BCAR3: variants seen among roughly 807,000 people sequenced by gnomAD.
BCAR3 encodes the protein BCAR3 adaptor protein, NSP family member, also known as breast cancer anti-estrogen resistance protein 3.
A neutral mutation model predicts 80.1 loss-of-function variants in BCAR3; 37 were observed. The observed-to-expected ratio is 0.46, with a 90% CI of 0.36 to 0.61. The LOEUF (loss-of-function observed/expected upper bound fraction) is 0.61, where lower values mean the gene tolerates loss of function less well. Ranked by LOEUF, BCAR3 falls within the 20% of genes least tolerant of loss-of-function variation. The pLI is 0.00. For missense variants in BCAR3, 978 were observed against 1,068.2 expected (o/e 0.92, Z 1.18); for synonymous variants, 389 against 418.9 (o/e 0.93, Z 0.87).
At chr1:93,737,502 G>A (rs1454940751) in intron 2 of BCAR3, among the ~76,000 whole-genome samples, 1 of 152,158 alleles carries the variant, frequency 6.6e-6, no homozygotes, top group Non-Finnish European at 1.5e-5. Context: ...TGTCGGGGAT[G>A]TTGGCAATCA....
intron 2 of BCAR3, among the ~76,000 whole-genome samples, chr1:93,750,352 G>C (rs1161454585): frequency 6.6e-6 from 1 of 152,186 alleles, no homozygotes; most frequent in Admixed American, 6.5e-5. Context: ...TCTGCAAAAT[G>C]GGATTTTGCT....
chr1:93,628,250 A>T (rs184728271), intron 3 of BCAR3, among the ~76,000 whole-genome samples: 1 of 151,844 alleles, frequency 6.6e-6, no homozygotes, highest in Non-Finnish European at 1.5e-5. Context: ...CATTCCTAGA[A>T]CCCCCTTATT....
chr1:93,673,118 C>T (rs1648296276), intron 2 of BCAR3, among the ~76,000 whole-genome samples: 1 of 152,186 alleles, frequency 6.6e-6, no homozygotes, highest in South Asian at 2.1e-4. Context: ...CCTGTTCATC[C>T]TACCAAAAAC....
Position 93,562,363 on chromosome 1 carries a change from A to ATCGCAT in BCAR3, c.2350_2355dup (p.Met784_Arg785dup). 1 of 1,614,110 alleles carries ATCGCAT rather than the reference A, an allele frequency of 6.2e-7. No individual in the cohort carries two copies. The highest frequency in any genetic ancestry group is 1.1e-5 in the South Asian group (1 of 91,062). ...TGTGCACCTTTGCTGCCCCATAGCA[A>ATCGCAT]TCGCATTTGAAATTCAGTCTTGCAG... On this transcript the variant is annotated inframe_insertion, in exon 12 of 12. Transcript: ENST00000260502.
chr1:93,738,941 G>A (rs1651087015), intron 2 of BCAR3, among the ~76,000 whole-genome samples: 1 of 152,102 alleles, frequency 6.6e-6, no homozygotes. Context: ...AGAGCAGAGG[G>A]GCAAAGCCTT....
intron 2 of BCAR3, among the ~76,000 whole-genome samples, chr1:93,644,868 T>C (rs1193089477): frequency 6.6e-6 from 1 of 152,190 alleles, no homozygotes; most frequent in Admixed American, 6.5e-5. Context: ...CTTAATTTAT[T>C]CTTGAGCTGA....
intron 3 of BCAR3, among the ~76,000 whole-genome samples, chr1:93,617,176 C>T (rs547405739): frequency 1.3e-5 from 2 of 152,300 alleles, no homozygotes; most frequent in South Asian, 4.1e-4. Context: ...TGGCAGCAGC[C>T]CCTCAGCTGA....
intron 3 of BCAR3, among the ~76,000 whole-genome samples, chr1:93,691,579 A>T (rs1159790877): frequency 6.6e-6 from 1 of 152,194 alleles, no homozygotes; most frequent in Non-Finnish European, 1.5e-5. Context: ...GGGCCAGATT[A>T]GAGCCTTGGT....
chr1:93,677,804 T>C (rs1382792094), intron 1 of BCAR3, among the ~76,000 whole-genome samples: 1 of 152,144 alleles, frequency 6.6e-6, no homozygotes, highest in African/African-American at 2.4e-5. Context: ...AAGAGGAGGT[T>C]AGATACTGGT....
chr1:93,786,697 TA>T (rs1652960488), intron 2 of BCAR3, among the ~76,000 whole-genome samples: 1 of 152,092 alleles, frequency 6.6e-6, no homozygotes, highest in Non-Finnish European at 1.5e-5. Flanking sequence ...CCAAAATTTT[TA>T]AGTTAAAAGG....
intron 2 of BCAR3, among the ~76,000 whole-genome samples, chr1:93,643,543 CTCAAAAAAAAAA>C (rs1676057105): frequency 9.3e-5 from 4 of 42,844 alleles, no homozygotes; most frequent in African/African-American, 4.4e-4. Context: ...AAGACTCTTT[CTCAAAAAAAAAA>C]AAAAAAAAAA....
chr1:93,696,227 A>G (rs964704375), intron 3 of BCAR3, among the ~76,000 whole-genome samples: 3 of 152,078 alleles, frequency 2.0e-5, no homozygotes, highest in African/African-American at 7.2e-5. Context: ...TTCACATCCA[A>G]ATGGTTTGCT....
chr1:93,718,736 C>T (rs1650280032), intron 2 of BCAR3, among the ~76,000 whole-genome samples: 1 of 42,304 alleles, frequency 2.4e-5, no homozygotes, highest in Non-Finnish European at 6.2e-5. Context: ...GCTCTGTTAC[C>T]CCATGCTGGA....
intron 2 of BCAR3, among the ~76,000 whole-genome samples, chr1:93,661,509 C>A: frequency 6.9e-6 from 1 of 144,688 alleles, no homozygotes; most frequent in Admixed American, 7.1e-5. Context: ...TTTTTTGAGA[C>A]GAAGTTTCGC....
chr1:93,786,638 G>A lies in BCAR3; in HGVS notation c.-63+58929C>T, dbSNP rs559910478. 1.4e-4 allele frequency among the ~76,000 whole-genome samples: 21 copies of A among 152,294 alleles called. No homozygotes were observed. In the South Asian group the frequency reaches 4.1e-3, roughly 30 times the overall value. ...TTTGTAGCCAGAGACACTCCTGGAAGGCCAAAGAAAGGCCCAAGATCAATT... is the reference window on the plus strand; with the variant it reads ...TTTGTAGCCAGAGACACTCCTGGAAAGCCAAAGAAAGGCCCAAGATCAATT... On this transcript the variant is annotated intron_variant, in intron 2 of 13. Transcript: ENST00000370244.
chr1:93,815,445 G>C (rs964867657), intron 2 of BCAR3, among the ~76,000 whole-genome samples: 1 of 152,184 alleles, frequency 6.6e-6, no homozygotes, highest in African/African-American at 2.4e-5. Flanking sequence ...TAGTGAACTT[G>C]AGCTTTCTCT....
intron 11 of BCAR3, among the ~76,000 whole-genome samples, chr1:93,564,070 C>G (rs1672819668): frequency 2.0e-5 from 3 of 151,992 alleles, no homozygotes; most frequent in Admixed American, 6.6e-5. Flanking sequence ...TTACATTTCC[C>G]TAATGATGAA....
intron 3 of BCAR3, among the ~76,000 whole-genome samples, chr1:93,623,998 T>C (rs554403526): frequency 6.6e-6 from 1 of 152,180 alleles, no homozygotes; most frequent in Non-Finnish European, 1.5e-5. Flanking sequence ...TGGAAATAAT[T>C]GAGTTGCCTT....
intron 3 of BCAR3, among the ~76,000 whole-genome samples, chr1:93,619,084 A>G (rs1265372650): frequency 6.7e-6 from 1 of 150,062 alleles, no homozygotes; most frequent in Admixed American, 6.6e-5. Flanking sequence ...GACTACAGGC[A>G]CATGCCACCA....
Sources: allele counts gnomAD v4.1 joint callset (sites outside exome capture counted in the v4.1 genomes callset), GRCh38; gene constraint gnomAD v4.1.1; transcripts MANE v1.5; gene names NCBI Gene and HGNC (gene_info 2026-07-23, HGNC 2026-07-21).